The following IFT52 variants were observed in gnomAD, a reference collection of about 807,000 sequenced individuals.
IFT52 encodes the protein intraflagellar transport protein 52 homolog.
IFT52 carries 44 observed loss-of-function variants against 54.4 expected under a neutral mutation model. That is an observed-to-expected ratio of 0.81 (90% CI 0.63 to 1.04). The LOEUF (loss-of-function observed/expected upper bound fraction) is 1.04. Among genes scored for constraint, IFT52 ranks in the 50% least tolerant of loss-of-function variants. The probability of loss-of-function intolerance (pLI) is 0.00; values close to 1 mark genes in which losing one functional copy is unlikely to be tolerated. For synonymous variants in IFT52, 181 were observed against 185.3 expected (o/e 0.98, Z 0.19); for missense variants, 452 against 523.6 (o/e 0.86, Z 1.33).
At chr20:43,640,938 G>A (rs1985867615) in intron 12 of IFT52, among the ~76,000 whole-genome samples, 1 of 151,236 alleles carries the variant, frequency 6.6e-6, no homozygotes, top group Non-Finnish European at 1.5e-5. Flanking sequence ...GGCTGAGGTG[G>A]GAGGATGGTT....
At chr20:43,621,457 A>T (rs983726589) in intron 9 of IFT52, among the ~76,000 whole-genome samples, 120 of 152,140 alleles carry the variant, frequency 7.9e-4, no homozygotes, top group African/African-American at 1.6e-3. Context: ...TATTAAAAAA[A>T]TTTTTTATTG....
Position 43,603,902 on chromosome 20 carries a change from A to C in IFT52, c.337+13A>C, listed in dbSNP as rs1982651615. On this transcript the variant is annotated intron_variant, in intron 4 of 13. Coordinates refer to ENST00000373030, the MANE Select transcript of IFT52 (RefSeq NM_016004.5). ...ATGGTTAATAATGGTAATTAGTATT[A>C]TTATTTTCAGTAGAGGCAGTACTTT... The C allele has an allele frequency of 7.1e-7, 1 of 1,410,706 alleles. No homozygotes were observed. Among genetic ancestry groups the C allele is most frequent in the Non-Finnish European group, 1.0e-6 (1 of 1,004,462 alleles). The allele number at this position is 1,410,706 out of a possible 1,614,324, so 87.4% of individuals were successfully genotyped here.
intron 7 of IFT52, among the ~76,000 whole-genome samples, chr20:43,615,530 G>T (rs905095668): frequency 3.9e-5 from 6 of 152,138 alleles, no homozygotes; most frequent in African/African-American, 1.4e-4. Flanking sequence ...CGGGCTGGGC[G>T]TGGTGGCTCA....
At chr20:43,641,377 T>C (rs1429222295) in intron 12 of IFT52, among the ~76,000 whole-genome samples, 3 of 151,856 alleles carry the variant, frequency 2.0e-5, no homozygotes, top group Non-Finnish European at 4.4e-5. Flanking sequence ...TAGCTGGGAT[T>C]ATAGGCATGC....
intron 2 of IFT52, among the ~76,000 whole-genome samples, chr20:43,596,107 A>G (rs1169377705): frequency 6.6e-6 from 1 of 152,232 alleles, no homozygotes; most frequent in Non-Finnish European, 1.5e-5. Context: ...GTGTATGTGC[A>G]TGTTTTTCTT....
rs1214815973 is a variant in IFT52 at position 43,596,418 on chromosome 20, TAA to T, written c.120-14_120-13del. ...AAATTATGGACTTCATATTTGCTTT[TAA>T]AATTGTATTTCCAGCTTAAAAGATG... On this transcript the variant is annotated splice_polypyrimidine_tract_variant and intron_variant, in intron 2 of 13. Transcript: ENST00000373030. The T allele has an allele frequency of 6.6e-7, 1 of 1,509,556 alleles. No homozygotes were observed. Among genetic ancestry groups the T allele is most frequent in the Non-Finnish European group, 9.1e-7 (1 of 1,093,166 alleles). 93.5% of individuals were successfully genotyped at this position (1,509,556 alleles called of 1,614,324 possible).
chr20:43,609,227 G>A (rs1425578171), intron 6 of IFT52, among the ~76,000 whole-genome samples: 1 of 152,122 alleles, frequency 6.6e-6, no homozygotes, highest in Non-Finnish European at 1.5e-5. Context: ...GGGTGACAGA[G>A]CAAGACTATC....
intron 10 of IFT52, among the ~76,000 whole-genome samples, chr20:43,635,524 T>G (rs1202149733): frequency 1.3e-5 from 2 of 152,200 alleles, no homozygotes; most frequent in Admixed American, 6.5e-5. Flanking sequence ...TTCGAACTCT[T>G]GACCTCAGGT....
intron 10 of IFT52, among the ~76,000 whole-genome samples, chr20:43,628,588 C>T (rs921056316): frequency 6.6e-6 from 1 of 152,150 alleles, no homozygotes; most frequent in African/African-American, 2.4e-5. Flanking sequence ...CATGATGGCT[C>T]ACGCCTGTAA....
At chr20:43,636,145 T>A (rs1985526846) in intron 11 of IFT52, 132 bp downstream of exon 11, 2 of 761,818 alleles carry the variant, frequency 2.6e-6, no homozygotes, top group Non-Finnish European at 4.4e-6. Context: ...GCTCTGTCTC[T>A]AAACATGCAT....
At chr20:43,592,943 A>G (rs951082263) in intron 1 of IFT52, among the ~76,000 whole-genome samples, 7 of 151,930 alleles carry the variant, frequency 4.6e-5, no homozygotes, top group Admixed American at 4.6e-4. Context: ...TCTACAAAAA[A>G]TTTAAAAATT....
intron 7 of IFT52, among the ~76,000 whole-genome samples, chr20:43,617,282 T>C (rs914266369): frequency 1.3e-5 from 2 of 152,222 alleles, no homozygotes; most frequent in African/African-American, 4.8e-5. Flanking sequence ...AAAGAACTTA[T>C]TTCACTAAAA....
chr20:43,622,756 A>T (rs1359994204), intron 9 of IFT52, among the ~76,000 whole-genome samples: 3 of 58,188 alleles, frequency 5.2e-5, no homozygotes, highest in Admixed American at 1.4e-4. Context: ...TGTAAATATA[A>T]ATATATACAA....
chr20:43,634,801 C>T (rs1985407753), intron 10 of IFT52, among the ~76,000 whole-genome samples: 1 of 152,146 alleles, frequency 6.6e-6, no homozygotes, highest in African/African-American at 2.4e-5. Flanking sequence ...CTCCCAACCT[C>T]CAACCTTCTA....
At chr20:43,642,965 G>A (rs548850446) in intron 13 of IFT52, among the ~76,000 whole-genome samples, 2 of 151,948 alleles carry the variant, frequency 1.3e-5, no homozygotes, top group Non-Finnish European at 2.9e-5. Context: ...TCAGGAGTTC[G>A]AGACCAGCCT....
chr20:43,611,865 A>G (rs1983475660), intron 6 of IFT52, among the ~76,000 whole-genome samples: 1 of 151,588 alleles, frequency 6.6e-6, no homozygotes. Flanking sequence ...CCCCATCTTT[A>G]CTAAAAGTAC....
intron 10 of IFT52, among the ~76,000 whole-genome samples, chr20:43,628,075 T>G (rs1984880057): frequency 6.6e-6 from 1 of 151,834 alleles, no homozygotes; most frequent in African/African-American, 2.4e-5. Flanking sequence ...ACTACAGGCG[T>G]GCACCACCAC....
intron 6 of IFT52, among the ~76,000 whole-genome samples, chr20:43,612,529 C>CA (rs1983537343): frequency 6.6e-6 from 1 of 151,636 alleles, no homozygotes; most frequent in African/African-American, 2.4e-5. Context: ...CCCGTTTCTA[C>CA]AAAAAATATA....
intron 10 of IFT52, among the ~76,000 whole-genome samples, chr20:43,631,837 A>G (rs1303462093): frequency 6.6e-6 from 1 of 150,896 alleles, no homozygotes; most frequent in East Asian, 1.9e-4. Flanking sequence ...TAACTGCGTG[A>G]CTTCCCGCCT....
Sources: allele counts gnomAD v4.1 joint callset (sites outside exome capture counted in the v4.1 genomes callset), GRCh38; gene constraint gnomAD v4.1.1; transcripts MANE v1.5; gene names NCBI Gene and HGNC (gene_info 2026-07-23, HGNC 2026-07-21).